MYLK: variants seen among roughly 807,000 people sequenced by gnomAD.
MYLK encodes myosin light chain kinase, smooth muscle.
In MYLK, 106 loss-of-function variants were observed where a neutral mutation model predicts 203.4. The ratio of observed to expected loss-of-function variants is 0.52; its 90% CI spans 0.45 to 0.61. MYLK has a LOEUF of 0.61. Among genes scored for constraint, MYLK ranks in the 20% least tolerant of loss-of-function variants. The probability of loss-of-function intolerance (pLI) is 0.00; values close to 1 mark genes in which losing one functional copy is unlikely to be tolerated. For missense variants in MYLK, 2,072 were observed against 2,442.3 expected (o/e 0.85, Z 3.20); for synonymous variants, 867 against 959.5 (o/e 0.90, Z 1.78).
At chr3:123,661,382 G>C (rs2059556274) in intron 23 of MYLK, among the ~76,000 whole-genome samples, 1 of 152,182 alleles carries the variant, frequency 6.6e-6, no homozygotes, top group Non-Finnish European at 1.5e-5. Context: ...CCAAATCAGT[G>C]CTTCAGAACA....
At chr3:123,819,421 A>G (rs549896111) in intron 3 of MYLK, among the ~76,000 whole-genome samples, 1 of 152,266 alleles carries the variant, frequency 6.6e-6, no homozygotes, top group African/African-American at 2.4e-5. Flanking sequence ...CAGGAAAATG[A>G]TGATGTTCTG....
intron 20 of MYLK, among the ~76,000 whole-genome samples, chr3:123,668,339 A>G (rs2059805130): frequency 6.6e-6 from 1 of 152,248 alleles, no homozygotes; most frequent in African/African-American, 2.4e-5. Flanking sequence ...AAAGGAAGAA[A>G]CTACTGATAC....
chr3:123,871,624 CAAAT>C (rs1378298144), intron 2 of MYLK, among the ~76,000 whole-genome samples: 1 of 152,000 alleles, frequency 6.6e-6, no homozygotes, highest in African/African-American at 2.4e-5. Context: ...CAAGAAGAAA[CAAAT>C]AACCTGGACA....
chr3:123,709,344 T>G (rs542513008), intron 14 of MYLK: 2 of 268,622 alleles, frequency 7.4e-6, no homozygotes, highest in Admixed American at 9.9e-5. Context: ...GGTTTCACCG[T>G]GTTAGCCAGG....
intron 33 of MYLK, 88 bp from the exon 34 acceptor site, chr3:123,614,437 A>G: frequency 6.5e-7 from 1 of 1,534,410 alleles, no homozygotes; most frequent in Non-Finnish European, 8.9e-7. Context: ...AGCTACCACT[A>G]TTGATTAAGG....
chr3:123,876,207 C>T (rs2033141855), intron 2 of MYLK, among the ~76,000 whole-genome samples: 1 of 151,572 alleles, frequency 6.6e-6, no homozygotes, highest in Non-Finnish European at 1.5e-5. Context: ...AAAAACTATA[C>T]ATTATGACTA....
rs531013997 is a variant in MYLK at position 123,728,100 on chromosome 3, ACTC to A, written c.1517-2025_1517-2023del. The stretch of plus-strand genomic sequence containing the variant: ...GCAAAGTAAAGACCTCTGAAGATCT[ACTC>A]CTCCATAAAAGCAACAACAATACTG... On this transcript the variant is annotated intron_variant, in intron 11 of 33. Coordinates refer to ENST00000360304, the MANE Select transcript of MYLK (RefSeq NM_053025.4). Among the ~76,000 whole-genome samples the A allele has an allele frequency of 1.2e-4, 19 of 152,282 alleles. No homozygotes were observed. In the South Asian group the frequency reaches 3.9e-3, roughly 32 times the overall value.
rs754246956 is a variant in MYLK, at chr3:123,700,742, G to A, written c.2726C>T (p.Thr909Ile). The change falls in exon 18 of 34, where the codon ACC becomes ATC. Residue 909 changes from threonine to isoleucine, a missense_variant. Physicochemically the swap from Thr to Ile is moderately conservative, Grantham distance 89. Transcript: ENST00000360304. ...CTCCTTCAGGTCGTCTTCCGATAGGGTCTTTGTACTCACCTTCTTCCCCAG... is the reference window on the plus strand; with the variant it reads ...CTCCTTCAGGTCGTCTTCCGATAGGATCTTTGTACTCACCTTCTTCCCCAG... ...DLLGKKVSTKTLSEDDLKEIP... is the reference protein window; with the variant it reads ...DLLGKKVSTKILSEDDLKEIP... 3.1e-6 allele frequency: 5 copies of A among 1,614,190 alleles called. No homozygotes were observed. Among genetic ancestry groups the A allele is most frequent in the Non-Finnish European group, 4.2e-6 (5 of 1,180,032 alleles).
chr3:123,808,815 G>A (rs1226920678), intron 3 of MYLK, among the ~76,000 whole-genome samples: 1 of 152,192 alleles, frequency 6.6e-6, no homozygotes, highest in Non-Finnish European at 1.5e-5. Flanking sequence ...AATTCTATAA[G>A]ATACATACTG....
chr3:123,820,450 A>G (rs1197043436), intron 3 of MYLK, among the ~76,000 whole-genome samples: 1 of 152,158 alleles, frequency 6.6e-6, no homozygotes, highest in Non-Finnish European at 1.5e-5. Flanking sequence ...TCATGGCTCC[A>G]CGTCTTTTTC....
chr3:123,662,675 C>T (rs1418573014), intron 23 of MYLK, among the ~76,000 whole-genome samples: 1 of 152,220 alleles, frequency 6.6e-6, no homozygotes, highest in African/African-American at 2.4e-5. Flanking sequence ...GCCACACAAG[C>T]CCTGTTACCA....
At chr3:123,874,995 A>T (rs1051391487) in intron 2 of MYLK, among the ~76,000 whole-genome samples, 2 of 152,210 alleles carry the variant, frequency 1.3e-5, no homozygotes, top group African/African-American at 4.8e-5. Flanking sequence ...AGTACTGACA[A>T]AGATGTGGAA....
chr3:123,619,425 G>A lies in MYLK; in HGVS notation c.5369-655C>T, dbSNP rs553030305. 3.3e-5 allele frequency among the ~76,000 whole-genome samples: 5 copies of A among 152,328 alleles called. No individual in the cohort carries two copies. In the South Asian group the frequency reaches 1.0e-3, roughly 32 times the overall value. On this transcript the variant is annotated intron_variant, in intron 32 of 33. Coordinates refer to ENST00000360304, the MANE Select transcript of MYLK (RefSeq NM_053025.4). ...TGCAGTCTCTATCCCTGGCTGTGAGGAAGCTCCAGAGCAGGCAGTTGCTGG... is the reference window on the plus strand; with the variant it reads ...TGCAGTCTCTATCCCTGGCTGTGAGAAAGCTCCAGAGCAGGCAGTTGCTGG...
Position 123,682,229 on chromosome 3 carries a change from GT to G in MYLK, c.3646del (p.Thr1216LeufsTer7). The G allele has an allele frequency of 6.3e-7, 1 of 1,598,924 alleles. No individual in the cohort carries two copies. Among genetic ancestry groups the G allele is most frequent in the Non-Finnish European group, 8.5e-7 (1 of 1,172,776 alleles). On this transcript the variant is annotated frameshift_variant, in exon 20 of 34. Coordinates refer to ENST00000360304, the MANE Select transcript of MYLK (RefSeq NM_053025.4). LOFTEE classifies it high-confidence loss of function. ...PKSSLPPVLG[T>X]ESDATVKKKP... ...GAAGCTGGGCGAGTACTCACTCTCA[GT>G]TCCTAGCACGGGAGGAAGAGAGCTC...
chr3:123,637,872 T>G (rs1431044503), intron 29 of MYLK, among the ~76,000 whole-genome samples, 199 bp downstream of exon 29: 1 of 152,174 alleles, frequency 6.6e-6, no homozygotes, highest in East Asian at 1.9e-4. Flanking sequence ...AGAATATGCA[T>G]GCTACTGACT....
At chr3:123,803,087 G>A (rs1397644752) in intron 3 of MYLK, among the ~76,000 whole-genome samples, 1 of 152,180 alleles carries the variant, frequency 6.6e-6, no homozygotes, top group Non-Finnish European at 1.5e-5. Context: ...CAGGGAACAA[G>A]AACCGAGCTC....
intron 19 of MYLK, among the ~76,000 whole-genome samples, chr3:123,683,951 G>T (rs1214086490): frequency 6.6e-6 from 1 of 152,122 alleles, no homozygotes; most frequent in East Asian, 1.9e-4. Flanking sequence ...GCACATCAGG[G>T]GTCCCTGCTA....
intron 3 of MYLK, among the ~76,000 whole-genome samples, chr3:123,807,221 G>A (rs185732211): frequency 1.3e-5 from 2 of 152,206 alleles, no homozygotes; most frequent in African/African-American, 4.8e-5. Context: ...CTGAGGTCAG[G>A]AGTTCAAGAC....
Position 123,701,312 on chromosome 3 carries a change from T to C in MYLK, c.2462+126A>G, listed in dbSNP as rs1363644827. The C allele has an allele frequency of 5.0e-6, 5 of 1,001,214 alleles. No individual in the cohort carries two copies. The East Asian group carries it at 9.7e-5, about 19-fold the overall frequency. The allele number at this position is 1,001,214 out of a possible 1,614,324, so 62.0% of individuals were successfully genotyped here. ...CTCATTCCCCTTCCAGGCTCTCCCT[T>C]CTGGCTTTGGCAGCCTCAGCTGCAG... On this transcript the variant is annotated intron_variant, in intron 17 of 33. Transcript: ENST00000360304.
Sources: gnomAD v4.1 joint callset for allele counts (sites outside exome capture counted in the v4.1 genomes callset) on GRCh38, gnomAD v4.1.1 for gene constraint, MANE v1.5 for transcripts, NCBI Gene and HGNC (gene_info 2026-07-23, HGNC 2026-07-21) for gene names.